Variants in MED12L observed in about 807,000 individuals in gnomAD.
MED12L encodes mediator of RNA polymerase II transcription subunit 12-like protein.
Under a neutral mutation model 281.3 loss-of-function variants are expected in MED12L, and 60 were observed. The observed-to-expected ratio is 0.21, with a 90% CI of 0.17 to 0.26. The LOEUF is 0.26. Ranked by LOEUF, MED12L falls within the 10% of genes least tolerant of loss-of-function variation. The pLI is 1.00. For synonymous variants in MED12L, 974 were observed against 987.2 expected, an observed-to-expected ratio of 0.99 and a Z score of 0.25; for missense variants, 2,146 against 2,680.9, an observed-to-expected ratio of 0.80 and a Z score of 4.41.
chr3:151,165,902 G>A lies in MED12L; in HGVS notation c.1414G>A (p.Asp472Asn), dbSNP rs1235293277. 2 of 1,614,034 alleles carry A rather than the reference G, an allele frequency of 1.2e-6. No homozygotes were observed. Among genetic ancestry groups the A allele is most frequent in the Non-Finnish European group, 1.7e-6 (2 of 1,179,940 alleles). The change falls in exon 11 of 45, where the codon GAC becomes AAC. Residue 472 changes from aspartate (D) to asparagine (N), a missense_variant. Physicochemically the swap from Asp to Asn is conservative, Grantham distance 23. Coordinates refer to ENST00000687756, the MANE Select transcript of MED12L (RefSeq NM_001393769.1). ...TLEVLDRHCF[D>N]RTDSSNSMET... is the part of the protein sequence containing the mutation. The stretch of plus-strand genomic sequence containing the variant: ...GGAAGTTTTGGATCGTCACTGTTTT[G>A]ACCGAACTGATTCCAGCAATTCCAT...
chr3:151,390,955 C>T (rs1224822288), intron 38 of MED12L, among the ~76,000 whole-genome samples: 2 of 152,174 alleles, frequency 1.3e-5, no homozygotes, highest in African/African-American at 4.8e-5. Flanking sequence ...TTCTACCACT[C>T]TCTTGCTGTA....
intron 12 of MED12L, among the ~76,000 whole-genome samples, chr3:151,186,523 A>G (rs2149078126): frequency 6.6e-6 from 1 of 152,080 alleles, no homozygotes. Context: ...CTACTCCTTC[A>G]ATACACAAAA....
At chr3:151,242,847 C>T (rs1408347827) in intron 16 of MED12L, among the ~76,000 whole-genome samples, 1 of 149,152 alleles carries the variant, frequency 6.7e-6, no homozygotes, top group Non-Finnish European at 1.5e-5. Flanking sequence ...AAACCAAAGG[C>T]AAAGAAGTTG....
intron 2 of MED12L, among the ~76,000 whole-genome samples, chr3:151,114,211 T>A (rs1006889625): frequency 6.6e-6 from 1 of 152,204 alleles, no homozygotes; most frequent in Non-Finnish European, 1.5e-5. Context: ...AGTTTGGAGA[T>A]ATCTTCTGAT....
intron 16 of MED12L, among the ~76,000 whole-genome samples, chr3:151,265,247 C>G (rs1403439109): frequency 6.6e-6 from 1 of 152,164 alleles, no homozygotes; most frequent in Non-Finnish European, 1.5e-5. Flanking sequence ...GTACGATGCT[C>G]TATTCTGAGA....
chr3:151,306,377 A>C (rs906751429), intron 16 of MED12L, among the ~76,000 whole-genome samples: 1 of 152,142 alleles, frequency 6.6e-6, no homozygotes, highest in Non-Finnish European at 1.5e-5. Context: ...CTGCCCCTCT[A>C]CTGGGGCCTT....
At chr3:151,347,416 G>A (rs932858102) in intron 16 of MED12L, among the ~76,000 whole-genome samples, 2 of 152,048 alleles carry the variant, frequency 1.3e-5, no homozygotes, top group East Asian at 3.8e-4. Context: ...ACACTAATGA[G>A]GAAGACAGAC....
intron 11 of MED12L, among the ~76,000 whole-genome samples, chr3:151,181,359 T>C (rs927775471): frequency 2.0e-5 from 3 of 152,056 alleles, no homozygotes; most frequent in Non-Finnish European, 4.4e-5. Flanking sequence ...TAGTTGTAAT[T>C]TCAGCTCATC....
intron 16 of MED12L, chr3:151,337,525 T>C: frequency 3.1e-6 from 1 of 323,308 alleles, no homozygotes; most frequent in Non-Finnish European, 5.7e-6. Flanking sequence ...TGATTACTCA[T>C]TTTGGCAAAA....
At chr3:151,367,294 G>T (rs1269451078) in intron 23 of MED12L, among the ~76,000 whole-genome samples, 1 of 152,124 alleles carries the variant, frequency 6.6e-6, no homozygotes, top group Non-Finnish European at 1.5e-5. Flanking sequence ...CTAATTGTCT[G>T]ACTCTTAAAT....
intron 16 of MED12L, among the ~76,000 whole-genome samples, chr3:151,346,118 T>G (rs1033115548): frequency 3.3e-5 from 5 of 152,208 alleles, no homozygotes; most frequent in Admixed American, 6.5e-5. Context: ...GGCCAAGGAA[T>G]GATTTGAGCT....
At chr3:151,380,048 T>C (rs1577504761) in intron 31 of MED12L, 65 bp from the exon 32 acceptor site, 1 of 1,008,406 alleles carries the variant, frequency 9.9e-7, no homozygotes, top group South Asian at 1.6e-5. Context: ...AAGAAATGAA[T>C]GTTGCCAGAG....
Position 151,368,662 on chromosome 3 carries a change from T to G in MED12L, c.3550+411T>G, listed in dbSNP as rs12635308. ...TTCATTTCATTTCATTTCATTTCAT[T>G]TCATTTCATTTCATGTCATTTCATT... On this transcript the variant is annotated intron_variant, in intron 25 of 44. Coordinates refer to ENST00000687756, the MANE Select transcript of MED12L (RefSeq NM_001393769.1). 4.8e-3 allele frequency among the ~76,000 whole-genome samples: 253 copies of G among 52,328 alleles called. 2 individuals are homozygous for G. Among genetic ancestry groups the G allele is most frequent in the African/African-American group, 0.012 (139 of 11,660 alleles). 34.3% of individuals were successfully genotyped at this position (52,328 alleles called of 152,430 possible). A position where few individuals can be genotyped will look rare whatever the true frequency, so the allele number is the denominator to read the frequency against.
chr3:151,155,685 T>C (rs756085625), intron 5 of MED12L, among the ~76,000 whole-genome samples: 2 of 152,216 alleles, frequency 1.3e-5, no homozygotes, highest in Non-Finnish European at 2.9e-5. Flanking sequence ...TGAAATTCCA[T>C]GTGGAGCCTG....
chr3:151,214,020 C>T (rs780157858), intron 16 of MED12L: 2 of 1,614,042 alleles, frequency 1.2e-6, no homozygotes, highest in South Asian at 2.2e-5. Context: ...CGTAGAAGAG[C>T]ACGGCAGAGA....
intron 11 of MED12L, among the ~76,000 whole-genome samples, chr3:151,184,113 G>A (rs1723001888): frequency 6.6e-6 from 1 of 152,170 alleles, no homozygotes; most frequent in South Asian, 2.1e-4. Context: ...TCCCTTTGAG[G>A]TATCTGCCTC....
intron 36 of MED12L, 103 bp from the exon 37 acceptor site, chr3:151,387,707 C>T: frequency 1.1e-5 from 16 of 1,402,104 alleles, no homozygotes; most frequent in Non-Finnish European, 1.5e-5. Context: ...CTCTAGGGCT[C>T]ATGCCAGCCA....
intron 16 of MED12L, among the ~76,000 whole-genome samples, chr3:151,235,858 C>A (rs1344371475): frequency 6.6e-6 from 1 of 152,110 alleles, no homozygotes; most frequent in Admixed American, 6.5e-5. Flanking sequence ...CTTTCCTGTT[C>A]ATGGCATCTA....
intron 16 of MED12L, among the ~76,000 whole-genome samples, chr3:151,347,631 G>A (rs562318796): frequency 1.3e-5 from 2 of 152,238 alleles, no homozygotes; most frequent in East Asian, 3.9e-4. Context: ...GCAAAGGGAG[G>A]AAGTGCCCTG....
Sources: gnomAD v4.1 joint callset for allele counts (sites outside exome capture counted in the v4.1 genomes callset) on GRCh38, gnomAD v4.1.1 for gene constraint, MANE v1.5 for transcripts, NCBI Gene and HGNC (gene_info 2026-07-23, HGNC 2026-07-21) for gene names.